GPR149: variants seen among roughly 807,000 people sequenced by gnomAD.
GPR149 encodes probable G protein-coupled receptor 149.
In GPR149, 50 loss-of-function variants were observed where a neutral mutation model predicts 50.2. The ratio of observed to expected loss-of-function variants is 1.00; its 90% CI spans 0.79 to 1.26. The LOEUF (loss-of-function observed/expected upper bound fraction) is 1.26, where lower values mean the gene tolerates loss of function less well. Among genes scored for constraint, GPR149 ranks in the 50% most tolerant of loss-of-function variants. The pLI is 0.00. For missense variants in GPR149, 983 were observed against 895.4 expected, an observed-to-expected ratio of 1.10 and a Z score of -1.25; for synonymous variants, 405 against 358.2, an observed-to-expected ratio of 1.13 and a Z score of -1.48.
At chr3:154,341,409 G>A (rs1713798041) in intron 3 of GPR149, among the ~76,000 whole-genome samples, 1 of 141,172 alleles carries the variant, frequency 7.1e-6, no homozygotes. Flanking sequence ...AAATTCTAAA[G>A]AAGTAATCTA....
chr3:154,357,892 A>G (rs1714278591), intron 3 of GPR149, among the ~76,000 whole-genome samples: 1 of 152,236 alleles, frequency 6.6e-6, no homozygotes, highest in Non-Finnish European at 1.5e-5. Flanking sequence ...ATCCAACCCA[A>G]ATGTTCAACA....
chr3:154,402,052 G>T (rs934879569), intron 3 of GPR149, among the ~76,000 whole-genome samples: 5 of 152,158 alleles, frequency 3.3e-5, no homozygotes, highest in African/African-American at 9.6e-5. Flanking sequence ...GAATCTTAAA[G>T]CACTAAGAAA....
Position 154,421,433 on chromosome 3 carries a change from T to C in GPR149, c.1229A>G (p.Tyr410Cys). ...ATAGTAATCTTCATGTGCTATTTTATAAATCCCATAACTTTTTTGGAATGA... is the reference window on the plus strand; with the variant it reads ...ATAGTAATCTTCATGTGCTATTTTACAAATCCCATAACTTTTTTGGAATGA... ...NLSFQKSYGI[Y>C]KIAHEDYYDD... is the part of the protein sequence containing the mutation. The change falls in exon 3 of 4, where the codon TAT (tyrosine) becomes TGT (cysteine). Residue 410 changes from tyrosine to cysteine, a missense_variant. By Grantham distance (194) the Tyr-to-Cys change is radical. Coordinates refer to ENST00000389740, the MANE Select transcript of GPR149 (RefSeq NM_001038705.3). 1 of 1,602,818 alleles carries C rather than the reference T, an allele frequency of 6.2e-7. No homozygotes were observed. Among genetic ancestry groups the C allele is most frequent in the Non-Finnish European group, 8.5e-7 (1 of 1,175,186 alleles).
At chr3:154,424,014 G>A (rs1712227715) in intron 2 of GPR149, among the ~76,000 whole-genome samples, 1 of 151,822 alleles carries the variant, frequency 6.6e-6, no homozygotes, top group Non-Finnish European at 1.5e-5. Context: ...AAATGGGAAA[G>A]TTCTTCCTCC....
At chr3:154,348,435 A>G (rs1576899178) in intron 3 of GPR149, among the ~76,000 whole-genome samples, 1 of 152,326 alleles carries the variant, frequency 6.6e-6, no homozygotes, top group Middle Eastern at 3.4e-3. Context: ...ACATCAATCA[A>G]AGGGAAAACA....
At chr3:154,397,032 T>C (rs577649283) in intron 3 of GPR149, among the ~76,000 whole-genome samples, 2 of 152,226 alleles carry the variant, frequency 1.3e-5, no homozygotes, top group South Asian at 4.1e-4. Flanking sequence ...TCTTTCCCAC[T>C]GATTATTGTG....
chr3:154,357,379 A>G (rs1714263409), intron 3 of GPR149, among the ~76,000 whole-genome samples: 1 of 152,064 alleles, frequency 6.6e-6, no homozygotes, highest in South Asian at 2.1e-4. Context: ...AGAAACTACC[A>G]TCAGAGTGAA....
intron 3 of GPR149, 67 bp from the exon 4 acceptor site, chr3:154,338,338 A>G (rs1257181223): frequency 1.6e-6 from 2 of 1,233,290 alleles, no homozygotes; most frequent in Non-Finnish European, 2.2e-6. Flanking sequence ...TTAGAAATTC[A>G]TTTTGTTCAT....
Position 154,429,610 on chromosome 3 carries a change from A to G in GPR149, c.6T>C (p.Ser2=), listed in dbSNP as rs775562604. The change falls in exon 1 of 4, where the codon TCT becomes TCC. Residue 2 remains serine, a synonymous_variant. Coordinates refer to ENST00000389740, the MANE Select transcript of GPR149 (RefSeq NM_001038705.3). M[S]LFLSNLSTND... ...TTGTTGATAAGTTACTGAGAAATAA[A>G]GACATTGTCCTTGGTCAATATTTAA... 8 of 1,611,178 alleles carry G rather than the reference A, an allele frequency of 5.0e-6. No individual in the cohort carries two copies. In the South Asian group the frequency reaches 7.7e-5, roughly 16 times the overall value.
At chr3:154,371,838 C>G (rs184842976) in intron 3 of GPR149, among the ~76,000 whole-genome samples, 2 of 152,188 alleles carry the variant, frequency 1.3e-5, no homozygotes, top group African/African-American at 4.8e-5. Flanking sequence ...CTAGGCCCTG[C>G]GACAGCCATC....
At chr3:154,404,792 G>C (rs1179153264) in intron 3 of GPR149, among the ~76,000 whole-genome samples, 1 of 152,098 alleles carries the variant, frequency 6.6e-6, no homozygotes, top group Non-Finnish European at 1.5e-5. Context: ...TACTAAGTGA[G>C]CAATTTTTTG....
intron 3 of GPR149, among the ~76,000 whole-genome samples, chr3:154,408,125 A>C (rs1160443720): frequency 2.0e-5 from 3 of 152,184 alleles, no homozygotes; most frequent in Non-Finnish European, 1.5e-5. Context: ...AGGAGAAGAG[A>C]TAGCTTTTCC....
chr3:154,421,890 AAATT>A (rs1712156364), intron 2 of GPR149, among the ~76,000 whole-genome samples: 1 of 151,826 alleles, frequency 6.6e-6, no homozygotes, highest in Non-Finnish European at 1.5e-5. Context: ...ATTTTGCTAG[AAATT>A]AATTATTAAG....
intron 3 of GPR149, among the ~76,000 whole-genome samples, chr3:154,400,688 A>G (rs1047320977): frequency 5.3e-5 from 8 of 152,304 alleles, no homozygotes; most frequent in African/African-American, 1.9e-4. Flanking sequence ...TTTTATTGCA[A>G]TGAATCAAAA....
intron 3 of GPR149, among the ~76,000 whole-genome samples, chr3:154,414,701 A>G (rs1711938489): frequency 6.6e-6 from 1 of 152,058 alleles, no homozygotes; most frequent in Admixed American, 6.6e-5. Flanking sequence ...GAAAAGACGA[A>G]CATCACTTTT....
chr3:154,360,978 C>T (rs1168530945), intron 3 of GPR149, among the ~76,000 whole-genome samples: 1 of 152,048 alleles, frequency 6.6e-6, no homozygotes, highest in Non-Finnish European at 1.5e-5. Flanking sequence ...GAAAAGACTG[C>T]TCTGTTCTTT....
intron 3 of GPR149, among the ~76,000 whole-genome samples, chr3:154,411,064 G>A (rs1029044471): frequency 2.0e-5 from 3 of 152,074 alleles, no homozygotes; most frequent in South Asian, 4.1e-4. Context: ...CAAATACATG[G>A]AAATTAAATA....
At chr3:154,396,113 T>C (rs2108415387) in intron 3 of GPR149, among the ~76,000 whole-genome samples, 1 of 152,238 alleles carries the variant, frequency 6.6e-6, no homozygotes, top group South Asian at 2.1e-4. Context: ...TCATATAAAA[T>C]TACATAAATT....
At chr3:154,406,375 T>C (rs1251017189) in intron 3 of GPR149, among the ~76,000 whole-genome samples, 1 of 152,208 alleles carries the variant, frequency 6.6e-6, no homozygotes, top group Non-Finnish European at 1.5e-5. Flanking sequence ...CTAGCAAAAC[T>C]ACATTTTTTA....
Sources: gnomAD v4.1 joint callset for allele counts (sites outside exome capture counted in the v4.1 genomes callset) on GRCh38, gnomAD v4.1.1 for gene constraint, MANE v1.5 for transcripts, NCBI Gene and HGNC (gene_info 2026-07-23, HGNC 2026-07-21) for gene names.